JAK2: variants seen among roughly 807,000 people sequenced by gnomAD.
JAK2 encodes the protein Janus kinase 2.
A neutral mutation model predicts 139.3 loss-of-function variants in JAK2; 86 were observed. The ratio of observed to expected loss-of-function variants is 0.62; its 90% CI spans 0.52 to 0.74. The LOEUF (loss-of-function observed/expected upper bound fraction) is 0.74, where lower values mean the gene tolerates loss of function less well. JAK2 is among the 30% of genes least tolerant of loss of function. The pLI is 0.00. For missense variants in JAK2, 1,421 were observed against 1,360.3 expected (o/e 1.04, Z -0.70); for synonymous variants, 490 against 437.7 (o/e 1.12, Z -1.49).
chr9:5,123,508 T>G (rs148589792), intron 23 of JAK2, among the ~76,000 whole-genome samples: 3 of 152,192 alleles, frequency 2.0e-5, no homozygotes, highest in Non-Finnish European at 4.4e-5. Flanking sequence ...TGAATAGTAT[T>G]CCATTTTGTA....
At chr9:5,061,089 A>G (rs750612770) in intron 8 of JAK2, among the ~76,000 whole-genome samples, 1 of 152,232 alleles carries the variant, frequency 6.6e-6, no homozygotes, top group Non-Finnish European at 1.5e-5. Flanking sequence ...TCAGTAAACC[A>G]TGCTATAAAC....
chr9:5,081,738 A>G lies in JAK2; in HGVS notation c.2448A>G (p.Leu816=). 1.3e-6 allele frequency: 2 copies of G among 1,595,628 alleles called. No homozygotes were observed. The highest frequency in any genetic ancestry group is 2.7e-5 in the African/African-American group (2 of 74,312). ...TTATTTCTCCAGATTATGAACTATT[A>G]ACAGAAAATGACATGTTACCAAATA... ...NSLFTPDYEL[L]TENDMLPNMR... Residue 816 remains leucine (L), a synonymous_variant, in exon 19 of 25, where the codon TTA becomes TTG. Coordinates refer to ENST00000381652, the MANE Select transcript of JAK2 (RefSeq NM_004972.4).
At chr9:5,041,165 G>A (rs1816476952) in intron 4 of JAK2, 1 of 1,230,814 alleles carries the variant, frequency 8.1e-7, no homozygotes, top group African/African-American at 1.5e-5. Flanking sequence ...CATGGATTAT[G>A]TGCACACCAA....
intron 2 of JAK2, among the ~76,000 whole-genome samples, chr9:4,997,949 T>C (rs1046791214): frequency 6.6e-6 from 1 of 152,162 alleles, no homozygotes; most frequent in African/African-American, 2.4e-5. Flanking sequence ...ATTATGATAA[T>C]CTTTAAATAA....
chr9:5,104,647 T>G (rs924994694), intron 22 of JAK2, among the ~76,000 whole-genome samples: 1 of 152,120 alleles, frequency 6.6e-6, no homozygotes, highest in African/African-American at 2.4e-5. Context: ...AACGTCGATG[T>G]GAAAATCCTC....
At chr9:5,023,964 T>C (rs2130094930) in intron 3 of JAK2, among the ~76,000 whole-genome samples, 1 of 152,290 alleles carries the variant, frequency 6.6e-6, no homozygotes, top group Non-Finnish European at 1.5e-5. Context: ...GCTTGTAAGA[T>C]TTTTAGCTTG....
In JAK2 at chr9:5,029,703, CT is replaced by C. The variant is rs1461610537; in HGVS notation, c.227-78del. On this transcript the variant is annotated intron_variant, in intron 3 of 24. Coordinates refer to ENST00000381652, the MANE Select transcript of JAK2 (RefSeq NM_004972.4). ...CCGATTTTAAGAGTTGTTACTTTAG[CT>C]TCATTTCAAATTATAGGTGCTATGT... 4 of 1,300,226 alleles carry C rather than the reference CT, an allele frequency of 3.1e-6. No individual in the cohort carries two copies. In the African/African-American group the frequency reaches 4.5e-5, roughly 15 times the overall value. 80.5% of individuals were successfully genotyped at this position (1,300,226 alleles called of 1,614,324 possible).
At chr9:5,057,606 T>C (rs1817859033) in intron 8 of JAK2, among the ~76,000 whole-genome samples, 1 of 141,276 alleles carries the variant, frequency 7.1e-6, no homozygotes, top group African/African-American at 2.7e-5. Context: ...TTTTTTGAGA[T>C]GAGTCTTGCC....
At chr9:5,086,016 T>C in intron 19 of JAK2, 2 of 812,208 alleles carry the variant, frequency 2.5e-6, no homozygotes, top group Non-Finnish European at 4.4e-6. Flanking sequence ...TGATATACTA[T>C]ATACATTTGG....
chr9:5,069,879 C>T lies in JAK2; in HGVS notation c.1514-46C>T, dbSNP rs1310317678. On this transcript the variant is annotated intron_variant, in intron 11 of 24. Coordinates refer to ENST00000381652, the MANE Select transcript of JAK2 (RefSeq NM_004972.4). ...TTACTCCTCTTTGGAGCAATTCATA[C>T]TTTCAGTGTATTTTGAAGTGATATA... is the stretch of plus-strand genomic sequence containing the variant. 3.8e-6 allele frequency: 5 copies of T among 1,320,160 alleles called. No individual in the cohort carries two copies. In the Admixed American group the frequency reaches 6.3e-5, roughly 17 times the overall value. The allele number at this position is 1,320,160 out of a possible 1,614,324, so 81.8% of individuals were successfully genotyped here.
At chr9:5,068,999 T>C in intron 10 of JAK2, 23 bp from the exon 11 acceptor site, 2 of 1,399,774 alleles carry the variant, frequency 1.4e-6, no homozygotes, top group South Asian at 2.6e-5. Context: ...TCCCTCCCTT[T>C]CTTTATAATT....
At chr9:5,112,375 C>T (rs1007078292) in intron 22 of JAK2, 3 of 413,324 alleles carry the variant, frequency 7.3e-6, no homozygotes, top group Non-Finnish European at 9.1e-6. Flanking sequence ...GGCGAGCAGG[C>T]CACTGGGGAA....
At chr9:5,106,097 A>G (rs1374223496) in intron 22 of JAK2, among the ~76,000 whole-genome samples, 1 of 152,232 alleles carries the variant, frequency 6.6e-6, no homozygotes, top group African/African-American at 2.4e-5. Flanking sequence ...GCACAGCAAA[A>G]CAAACTACCA....
chr9:4,997,031 T>A (rs889778098), intron 2 of JAK2, among the ~76,000 whole-genome samples: 2 of 150,250 alleles, frequency 1.3e-5, no homozygotes, highest in African/African-American at 4.9e-5. Flanking sequence ...TGGGGTCCAG[T>A]GATCCTCCTA....
At chr9:5,093,634 A>C (rs1318857482) in intron 22 of JAK2, among the ~76,000 whole-genome samples, 2 of 152,182 alleles carry the variant, frequency 1.3e-5, no homozygotes, top group Non-Finnish European at 2.9e-5. Flanking sequence ...ACCTCATAGC[A>C]TATTCAACCT....
chr9:5,059,705 C>G (rs1305949343), intron 8 of JAK2, among the ~76,000 whole-genome samples: 4 of 152,150 alleles, frequency 2.6e-5, no homozygotes, highest in African/African-American at 9.7e-5. Flanking sequence ...TCCCCATCAA[C>G]TCTTAATTTT....
At chr9:5,005,485 T>C (rs1043386463) in intron 2 of JAK2, among the ~76,000 whole-genome samples, 5 of 152,194 alleles carry the variant, frequency 3.3e-5, no homozygotes, top group Non-Finnish European at 7.3e-5. Context: ...GATTTCTAAA[T>C]GTTAACTTTG....
chr9:5,003,157 A>C (rs1285783712), intron 2 of JAK2, among the ~76,000 whole-genome samples: 8 of 151,938 alleles, frequency 5.3e-5, no homozygotes, highest in African/African-American at 1.9e-4. Flanking sequence ...ATGTCTGATA[A>C]TATAAATCTT....
rs766054339 is a variant in JAK2 at position 5,081,722 on chromosome 9, C to T, written c.2435-3C>T. The T allele has an allele frequency of 1.6e-5, 26 of 1,582,218 alleles. No individual in the cohort carries two copies. Among genetic ancestry groups the T allele is most frequent in the Non-Finnish European group, 2.3e-5 (26 of 1,152,520 alleles). On this transcript the variant is annotated splice_region_variant and splice_polypyrimidine_tract_variant and intron_variant, in intron 18 of 24. Coordinates refer to ENST00000381652, the MANE Select transcript of JAK2 (RefSeq NM_004972.4). Reference sequence around the variant, plus strand: ...AAGGTGATAATATTCTTTATTTCTCCAGATTATGAACTATTAACAGAAAAT... The same window carrying T: ...AAGGTGATAATATTCTTTATTTCTCTAGATTATGAACTATTAACAGAAAAT...
Sources: gnomAD v4.1 joint callset for allele counts (sites outside exome capture counted in the v4.1 genomes callset) on GRCh38, gnomAD v4.1.1 for gene constraint, MANE v1.5 for transcripts, NCBI Gene and HGNC (gene_info 2026-07-23, HGNC 2026-07-21) for gene names.